Variants in MRPL47 observed in about 807,000 individuals in gnomAD.
MRPL47 encodes large ribosomal subunit protein uL29m.
A neutral mutation model predicts 34.0 loss-of-function variants in MRPL47; 31 were observed. The observed-to-expected ratio is 0.91, with a 90% CI of 0.68 to 1.23. The LOEUF (loss-of-function observed/expected upper bound fraction) is 1.23, where lower values mean the gene tolerates loss of function less well. Ranked by LOEUF, MRPL47 falls within the 50% of genes most tolerant of loss-of-function variation. The pLI is 0.00. For missense variants in MRPL47, 328 were observed against 285.8 expected (o/e 1.15, Z -1.07); for synonymous variants, 106 against 101.6 (o/e 1.04, Z -0.26).
intron 6 of MRPL47, among the ~76,000 whole-genome samples, chr3:179,589,257 C>T (rs1469648478): frequency 6.6e-6 from 1 of 152,068 alleles, no homozygotes; most frequent in African/African-American, 2.4e-5. Context: ...CAAATTGGGC[C>T]TTAAGTTCAA....
At chr3:179,593,008 C>A (rs1318409431) in intron 5 of MRPL47, among the ~76,000 whole-genome samples, 1 of 152,124 alleles carries the variant, frequency 6.6e-6, no homozygotes, top group African/African-American at 2.4e-5. Context: ...ATTCTGCCTA[C>A]GTTTAAAAGT....
rs533665741 is a variant in MRPL47, at chr3:179,592,804, T to C, written c.534-65A>G. Reference sequence around the variant, plus strand: ...ATTTAATACATTTTCACTTTCCTAATTTACCTCAAAAGGGTTAGTCCAAAT... The same window carrying C: ...ATTTAATACATTTTCACTTTCCTAACTTACCTCAAAAGGGTTAGTCCAAAT... On this transcript the variant is annotated intron_variant, in intron 5 of 6. Transcript: ENST00000476781. The C allele has an allele frequency of 1.1e-5, 11 of 1,026,336 alleles. No homozygotes were observed. The Admixed American group carries it at 1.6e-4, about 15-fold the overall frequency. The allele number at this position is 1,026,336 out of a possible 1,614,324, so 63.6% of individuals were successfully genotyped here. A position where few individuals can be genotyped will look rare whatever the true frequency, so the allele number is the denominator to read the frequency against.
intron 6 of MRPL47, among the ~76,000 whole-genome samples, chr3:179,592,046 T>C (rs1476720431): frequency 1.3e-5 from 2 of 152,194 alleles, no homozygotes; most frequent in Non-Finnish European, 2.9e-5. Context: ...TTGGCCGGGC[T>C]GTTCTCAAAC....
At chr3:179,600,512 T>A (rs1718902452) in intron 3 of MRPL47, among the ~76,000 whole-genome samples, 1 of 152,038 alleles carries the variant, frequency 6.6e-6, no homozygotes, top group Non-Finnish European at 1.5e-5. Flanking sequence ...CATGGCAGCA[T>A]GAGCCTATAA....
intron 6 of MRPL47, among the ~76,000 whole-genome samples, chr3:179,590,813 GAC>G (rs1560017495): frequency 6.6e-6 from 1 of 151,712 alleles, no homozygotes; most frequent in Non-Finnish European, 1.5e-5. Flanking sequence ...CTAGGGCAAA[GAC>G]AATGGGAGAA....
intron 3 of MRPL47, among the ~76,000 whole-genome samples, chr3:179,600,369 G>A (rs1322717431): frequency 1.3e-5 from 2 of 151,840 alleles, no homozygotes; most frequent in East Asian, 1.9e-4. Context: ...GGCTGGGCAC[G>A]GTGGCTCATG....
At chr3:179,599,132 A>G (rs1435857799) in intron 3 of MRPL47, among the ~76,000 whole-genome samples, 1 of 151,806 alleles carries the variant, frequency 6.6e-6, no homozygotes, top group Non-Finnish European at 1.5e-5. Flanking sequence ...TCACACTACT[A>G]TACTCCAGCC....
At position 179,604,548 on chromosome 3, in the gene MRPL47, G is replaced by T; in HGVS notation, c.77C>A (p.Pro26His). The T allele has an allele frequency of 6.2e-7, 1 of 1,614,218 alleles. No homozygotes were observed. Among genetic ancestry groups the T allele is most frequent in the South Asian group, 1.1e-5 (1 of 91,082 alleles). ...TTACCCTGTGCAGGCAGGGACCTGA[G>T]GAGTTATTAACGATCGGGAAGATTT... is the stretch of plus-strand genomic sequence containing the variant. Reference protein sequence around the residue: ...ALKSSRSLITPQVPACTGFFL... With the variant: ...ALKSSRSLITHQVPACTGFFL... The change falls in exon 1 of 7, where the codon CCT becomes CAT. Residue 26 changes from proline (P) to histidine (H), a missense_variant. Transcript: ENST00000476781.
At chr3:179,598,442 A>C (rs1171926547) in intron 4 of MRPL47, among the ~76,000 whole-genome samples, 1 of 151,652 alleles carries the variant, frequency 6.6e-6, no homozygotes, top group African/African-American at 2.4e-5. Flanking sequence ...AAAAAAAAAA[A>C]CAAAAAACAC....
intron 6 of MRPL47, among the ~76,000 whole-genome samples, chr3:179,589,745 G>A (rs760593312): frequency 2.0e-5 from 3 of 151,984 alleles, no homozygotes; most frequent in African/African-American, 4.8e-5. Context: ...GAGATAACAC[G>A]TATTACAGCT....
chr3:179,593,136 G>C (rs34435764), intron 5 of MRPL47, among the ~76,000 whole-genome samples: 3 of 152,156 alleles, frequency 2.0e-5, no homozygotes, highest in Non-Finnish European at 2.9e-5. Flanking sequence ...ATTTACACCA[G>C]GTCTTCTCAG....
chr3:179,598,427 A>AC (rs1445696121), intron 4 of MRPL47, among the ~76,000 whole-genome samples: 549 of 49,106 alleles, frequency 0.011, 6 homozygotes, highest in South Asian at 0.073. Context: ...CACACACACA[A>AC]ACAAAAAAAA....
chr3:179,601,620 C>A, intron 3 of MRPL47, 110 bp downstream of exon 3: 3 of 699,268 alleles, frequency 4.3e-6, no homozygotes, highest in Non-Finnish European at 5.1e-6. Flanking sequence ...CATAGTACTA[C>A]AAAAGAAATC....
rs369518116 is a variant in MRPL47, at chr3:179,589,662, A to G, written c.630-667T>C. Among the ~76,000 whole-genome samples the G allele has an allele frequency of 3.3e-5, 5 of 152,276 alleles. No individual in the cohort carries two copies. The South Asian group carries it at 6.2e-4, about 19-fold the overall frequency. On this transcript the variant is annotated intron_variant, in intron 6 of 6. Transcript: ENST00000476781. ...GCAATAAAGATGTACTGCTGAAGTTATTACAAATGAGGTTTTGGGGGGAAA... is the reference window on the plus strand; with the variant it reads ...GCAATAAAGATGTACTGCTGAAGTTGTTACAAATGAGGTTTTGGGGGGAAA...
At chr3:179,603,390 T>C (rs542934965) in intron 1 of MRPL47, among the ~76,000 whole-genome samples, 1 of 152,086 alleles carries the variant, frequency 6.6e-6, no homozygotes, top group East Asian at 1.9e-4. Flanking sequence ...ATACAAAAAT[T>C]AGCCAGGCAT....
At chr3:179,600,318 T>G (rs1174263587) in intron 3 of MRPL47, among the ~76,000 whole-genome samples, 1 of 152,150 alleles carries the variant, frequency 6.6e-6, no homozygotes, top group Non-Finnish European at 1.5e-5. Context: ...TAATTTGTCA[T>G]GAAAGATAAA....
intron 4 of MRPL47, among the ~76,000 whole-genome samples, chr3:179,595,062 T>C (rs1252885066): frequency 6.6e-6 from 1 of 152,220 alleles, no homozygotes; most frequent in Non-Finnish European, 1.5e-5. Flanking sequence ...TTTTTGTTTT[T>C]TGAGACAGGG....
At chr3:179,591,980 A>G (rs1205480970) in intron 6 of MRPL47, among the ~76,000 whole-genome samples, 1 of 151,938 alleles carries the variant, frequency 6.6e-6, no homozygotes, top group Non-Finnish European at 1.5e-5. Flanking sequence ...TTACAGGCAC[A>G]TGCTACCATG....
At chr3:179,592,823 T>C in intron 5 of MRPL47, 84 bp from the exon 6 acceptor site, 1 of 809,874 alleles carries the variant, frequency 1.2e-6, no homozygotes, top group East Asian at 2.5e-5. Context: ...AAAGGGTTAG[T>C]CCAAATAAAA....
Sources: allele counts gnomAD v4.1 joint callset (sites outside exome capture counted in the v4.1 genomes callset), GRCh38; gene constraint gnomAD v4.1.1; transcripts MANE v1.5; gene names NCBI Gene and HGNC (gene_info 2026-07-23, HGNC 2026-07-21).